Variants in GRID2 observed in about 807,000 individuals in gnomAD.
The protein encoded by GRID2 is glutamate receptor ionotropic, delta-2.
Under a neutral mutation model 114.8 loss-of-function variants are expected in GRID2, and 33 were observed. The ratio of observed to expected loss-of-function variants is 0.29; its 90% CI spans 0.22 to 0.38. GRID2 has a LOEUF of 0.38. GRID2 is among the 10% of genes least tolerant of loss of function. The pLI is 1.00. For missense variants in GRID2, 1,184 were observed against 1,257.7 expected (o/e 0.94, Z 0.89); for synonymous variants, 505 against 449.9 (o/e 1.12, Z -1.55).
chr4:93,583,825 A>G (rs1414350587), intron 13 of GRID2, among the ~76,000 whole-genome samples: 1 of 152,144 alleles, frequency 6.6e-6, no homozygotes, highest in Non-Finnish European at 1.5e-5. Flanking sequence ...TTGACAACTA[A>G]TACATAGCCT....
intron 1 of GRID2, among the ~76,000 whole-genome samples, chr4:92,497,824 A>T (rs922666907): frequency 4.0e-5 from 6 of 151,892 alleles, no homozygotes; most frequent in African/African-American, 1.4e-4. Flanking sequence ...ATATAAATTT[A>T]GTACATATTT....
chr4:92,677,634 T>A (rs955758094), intron 2 of GRID2, among the ~76,000 whole-genome samples: 4 of 152,160 alleles, frequency 2.6e-5, no homozygotes, highest in Non-Finnish European at 4.4e-5. Context: ...GACAACTCCA[T>A]CATTCTGATT....
At chr4:93,796,579 T>C (rs1395942586) in intron 1 of GRID2, among the ~76,000 whole-genome samples, 1 of 152,216 alleles carries the variant, frequency 6.6e-6, no homozygotes, top group Non-Finnish European at 1.5e-5. Context: ...AGTCTTGCTC[T>C]GTCGCCCAGG....
At position 92,467,871 on chromosome 4, in the gene GRID2, T is replaced by C. The variant is rs143822023; in HGVS notation, c.89-122260T>C. The stretch of plus-strand genomic sequence containing the variant: ...GACCCCAAAAACTTATCTGAACAAA[T>C]GAAATCTTAGAAATCCTTTAAGTAT... On this transcript the variant is annotated intron_variant, in intron 1 of 15. Coordinates refer to ENST00000282020, the MANE Select transcript of GRID2 (RefSeq NM_001510.4). 5.9e-3 allele frequency among the ~76,000 whole-genome samples: 901 copies of C among 152,042 alleles called. 7 individuals are homozygous for C. The highest frequency in any genetic ancestry group is 0.02 in the African/African-American group (841 of 41,516).
chr4:93,650,378 A>AT (rs67022659), intron 14 of GRID2, among the ~76,000 whole-genome samples: 27,000 of 151,814 alleles, frequency 0.18, 2,746 homozygotes, highest in Middle Eastern at 0.34. Context: ...AAAAGCATAG[A>AT]TTTTTTTTTA....
intron 14 of GRID2, among the ~76,000 whole-genome samples, chr4:93,764,727 A>G (rs966418407): frequency 1.3e-5 from 2 of 152,184 alleles, no homozygotes; most frequent in East Asian, 1.9e-4. Flanking sequence ...TAATAGTTTA[A>G]GTATTTACAG....
intron 2 of GRID2, among the ~76,000 whole-genome samples, chr4:92,958,506 T>A (rs1029628588): frequency 2.6e-5 from 4 of 152,082 alleles, no homozygotes; most frequent in African/African-American, 9.7e-5. Context: ...GCCTTGTATA[T>A]CCGGGATAAA....
intron 14 of GRID2, among the ~76,000 whole-genome samples, chr4:93,739,256 T>C (rs1008037445): frequency 1.3e-5 from 2 of 152,182 alleles, no homozygotes; most frequent in African/African-American, 2.4e-5. Context: ...CACACTAGTA[T>C]GTTTAAACTG....
At chr4:92,627,258 A>G (rs1218304048) in intron 2 of GRID2, among the ~76,000 whole-genome samples, 1 of 152,090 alleles carries the variant, frequency 6.6e-6, no homozygotes, top group African/African-American at 2.4e-5. Flanking sequence ...AGGGAGAATG[A>G]AGGAAGCTAA....
intron 8 of GRID2, among the ~76,000 whole-genome samples, chr4:93,372,792 T>C (rs1403412764): frequency 2.0e-5 from 3 of 152,200 alleles, no homozygotes. Context: ...ATACCAGTTA[T>C]ATGACTGTGA....
intron 1 of GRID2, among the ~76,000 whole-genome samples, chr4:93,803,118 G>A (rs1734964217): frequency 6.6e-6 from 1 of 152,192 alleles, no homozygotes; most frequent in Non-Finnish European, 1.5e-5. Context: ...AGGAACTACA[G>A]TGATCTTTAA....
chr4:92,979,997 G>T (rs923526925), intron 2 of GRID2, among the ~76,000 whole-genome samples: 4 of 152,204 alleles, frequency 2.6e-5, no homozygotes, highest in African/African-American at 9.6e-5. Flanking sequence ...ATTTTGTCTA[G>T]CAGGAGTCTT....
chr4:93,563,543 T>C (rs920837145), intron 13 of GRID2, among the ~76,000 whole-genome samples: 1 of 152,006 alleles, frequency 6.6e-6, no homozygotes, highest in African/African-American at 2.4e-5. Context: ...CTGTTGAAGA[T>C]ATGTATCATG....
chr4:92,960,441 A>G (rs540381689), intron 2 of GRID2, among the ~76,000 whole-genome samples: 4 of 152,092 alleles, frequency 2.6e-5, no homozygotes, highest in South Asian at 4.1e-4. Flanking sequence ...TTCCGATGCA[A>G]TGCTGTTAAG....
intron 1 of GRID2, among the ~76,000 whole-genome samples, chr4:92,581,585 G>T (rs1352581365): frequency 6.6e-6 from 1 of 151,982 alleles, no homozygotes; most frequent in South Asian, 2.1e-4. Context: ...GCTAAGAAAA[G>T]GGTCTTGTGT....
intron 8 of GRID2, among the ~76,000 whole-genome samples, chr4:93,362,558 C>T (rs1212750370): frequency 1.3e-5 from 2 of 152,032 alleles, no homozygotes; most frequent in African/African-American, 4.8e-5. Flanking sequence ...GAAACTATAG[C>T]AAAGCTATTA....
intron 8 of GRID2, among the ~76,000 whole-genome samples, chr4:93,319,197 A>G (rs1466136193): frequency 6.6e-6 from 1 of 151,994 alleles, no homozygotes; most frequent in East Asian, 1.9e-4. Flanking sequence ...TTCAAAATGT[A>G]CACACACACA....
At position 93,216,733 on chromosome 4, in the gene GRID2, T is replaced by G. The variant is rs1300682791; in HGVS notation, c.790-5T>G. ...TCTCTAATTCTTCCACCTCTTATCTTATAGGAAATAAACGATGTGGACGTA... is the reference window on the plus strand; with the variant it reads ...TCTCTAATTCTTCCACCTCTTATCTGATAGGAAATAAACGATGTGGACGTA... On this transcript the variant is annotated splice_polypyrimidine_tract_variant and splice_region_variant and intron_variant, in intron 5 of 15. Coordinates refer to ENST00000282020, the MANE Select transcript of GRID2 (RefSeq NM_001510.4). The G allele has an allele frequency of 1.3e-6, 2 of 1,592,588 alleles. No individual in the cohort carries two copies. The highest frequency in any genetic ancestry group is 1.7e-4 in the Middle Eastern group (1 of 6,006).
chr4:92,929,715 A>T (rs1421843864), intron 2 of GRID2, among the ~76,000 whole-genome samples: 5 of 151,402 alleles, frequency 3.3e-5, no homozygotes, highest in Non-Finnish European at 5.9e-5. Context: ...TTTACTGAAG[A>T]TCTGAACTTG....
Sources: gnomAD v4.1 joint callset for allele counts (sites outside exome capture counted in the v4.1 genomes callset) on GRCh38, gnomAD v4.1.1 for gene constraint, MANE v1.5 for transcripts, NCBI Gene and HGNC (gene_info 2026-07-23, HGNC 2026-07-21) for gene names.